Variants in IQSEC3 observed in about 807,000 individuals in gnomAD.
IQSEC3 encodes the protein IQ motif and Sec7 domain ArfGEF 3.
A neutral mutation model predicts 105.4 loss-of-function variants in IQSEC3; 50 were observed. The observed-to-expected ratio is 0.47, with a 90% confidence interval of 0.38 to 0.60. The LOEUF is 0.60. Among genes scored for constraint, IQSEC3 ranks in the 20% least tolerant of loss-of-function variants. IQSEC3 has a pLI of 0.00. For missense variants in IQSEC3, 1,415 were observed against 1,630.0 expected (o/e 0.87, Z 2.27); for synonymous variants, 708 against 746.0 (o/e 0.95, Z 0.83).
intron 1 of IQSEC3, among the ~76,000 whole-genome samples, chr12:82,932 C>CA (rs1863793555): frequency 6.6e-6 from 1 of 152,182 alleles, no homozygotes; most frequent in African/African-American, 2.4e-5. Context: ...GACTGTTGTT[C>CA]AGCAGGGGAT....
intron 4 of IQSEC3, 122 bp downstream of exon 4, chr12:139,476 C>A: frequency 1.3e-6 from 1 of 744,132 alleles, no homozygotes; most frequent in Non-Finnish European, 2.1e-6. Flanking sequence ...CCAGGGTCCT[C>A]CAGGCAGGCG....
At chr12:166,277 T>C (rs1555098445) in intron 11 of IQSEC3, 1 of 231,486 alleles carries the variant, frequency 4.3e-6, no homozygotes, top group African/African-American at 2.3e-5. Flanking sequence ...GTGGCCCAAG[T>C]CTGTACACTG....
At chr12:165,382 T>C in intron 9 of IQSEC3, 52 bp from the exon 10 acceptor site, 2 of 1,384,652 alleles carry the variant, frequency 1.4e-6, no homozygotes, top group South Asian at 2.3e-5. Flanking sequence ...TGCATCCATG[T>C]GTCCGTGAGT....
rs374969763 is a variant in IQSEC3 at position 138,770 on chromosome 12, G to T, written c.1407G>T (p.Glu469Asp). 127 of 1,582,396 alleles carry T rather than the reference G, an allele frequency of 8.0e-5. No homozygotes were observed. The highest frequency in any genetic ancestry group is 1.1e-4 in the Non-Finnish European group (123 of 1,168,342). The change falls in exon 4 of 14, where the codon GAG becomes GAT. Residue 469 changes from glutamate (E) to aspartate (D), a missense_variant. Glu to Asp is a conservative substitution (Grantham distance 45). Around this residue, in one of 6 missense-constraint regions of IQSEC3, gnomAD observed 720 missense variants for 633.0 expected, o/e 1.14. Transcript: ENST00000538872. The surrounding 1 kb of genome is among the most constrained non-coding windows in gnomAD (Gnocchi z 7.1). ...CCGGGCCCGGGGATGACGCCGCGGA[G>T]ACCCCCGGCCTGCCCCCGGCCCACA... Reference protein sequence around the residue: ...AGPGPGDDAAETPGLPPAHSG... With the variant: ...AGPGPGDDAADTPGLPPAHSG...
intron 2 of IQSEC3, among the ~76,000 whole-genome samples, chr12:125,169 C>T (rs1295299797): frequency 2.0e-5 from 3 of 152,188 alleles, no homozygotes; most frequent in Non-Finnish European, 4.4e-5. Context: ...ATAGGTAACA[C>T]ATGTAGCAGT....
At chr12:97,542 T>C (rs1391355190) in intron 1 of IQSEC3, among the ~76,000 whole-genome samples, 2 of 152,234 alleles carry the variant, frequency 1.3e-5, no homozygotes, top group Non-Finnish European at 2.9e-5. Flanking sequence ...CAGACAGGTG[T>C]GATGGCTCAT....
chr12:170,901 G>A lies in IQSEC3; in HGVS notation c.3065-211G>A, dbSNP rs138904746. Among the ~76,000 whole-genome samples the A allele has an allele frequency of 4.9e-3, 739 of 152,342 alleles. 7 individuals carry two copies. The highest frequency in any genetic ancestry group is 0.016 in the African/African-American group (678 of 41,576). Reference sequence around the variant, plus strand: ...TGCCAACATCAGAAAGAGCGGCAGCGATCTTCTAGTCTGCGGCAGCCCAGA... The same window carrying A: ...TGCCAACATCAGAAAGAGCGGCAGCAATCTTCTAGTCTGCGGCAGCCCAGA... On this transcript the variant is annotated intron_variant, in intron 12 of 13. Coordinates refer to ENST00000538872, the MANE Select transcript of IQSEC3 (RefSeq NM_001170738.2).
chr12:174,929 C>CGG lies in IQSEC3; in HGVS notation c.3445_3446insGG (p.Leu1149ArgfsTer71). ...GGTCAAGGTCACCCACCAGCCTCCGCTGCCCCCGCCCCCACCCCCCTACAA... is the reference window on the plus strand; with the variant it reads ...GGTCAAGGTCACCCACCAGCCTCCGCGGTGCCCCCGCCCCCACCCCCCTACAA... On this transcript the variant is annotated frameshift_variant, in exon 14 of 14. Transcript: ENST00000538872. LOFTEE classifies it high-confidence loss of function. The CGG allele has an allele frequency of 6.5e-7, 1 of 1,531,318 alleles. No homozygotes were observed. The highest frequency in any genetic ancestry group is 8.8e-7 in the Non-Finnish European group (1 of 1,141,850). 94.9% of individuals were successfully genotyped at this position (1,531,318 alleles called of 1,614,324 possible).
chr12:137,355 A>AGGGGAGGAGC (rs1277112410), intron 3 of IQSEC3: 2 of 150,862 alleles, frequency 1.3e-5, no homozygotes, highest in African/African-American at 2.5e-5. Flanking sequence ...TTCATTGTTT[A>AGGGGAGGAGC]GGGGAGGAGC....
Position 139,091 on chromosome 12 carries a change from G to A in IQSEC3, c.1728G>A (p.Glu576=). 1 of 1,499,212 alleles carries A rather than the reference G, an allele frequency of 6.7e-7. No homozygotes were observed. The highest frequency in any genetic ancestry group is 1.3e-5 in the South Asian group (1 of 76,976). 92.9% of individuals were successfully genotyped at this position (1,499,212 alleles called of 1,614,324 possible). A position where few individuals can be genotyped will look rare whatever the true frequency, so the allele number is the denominator to read the frequency against. The change falls in exon 4 of 14, where the codon GAG becomes GAA. Residue 576 remains glutamate (E), a synonymous_variant. Transcript: ENST00000538872. ...ATAPKTEEEE[E]EEETAEVGRG... is the part of the protein sequence containing the mutation. ...CCCCCAAAACAGAGGAGGAAGAGGA[G>A]GAGGAGGAGACGGCGGAGGTGGGGA...
At chr12:73,287 T>C (rs1283138928) in intron 1 of IQSEC3, among the ~76,000 whole-genome samples, 2 of 152,260 alleles carry the variant, frequency 1.3e-5, no homozygotes, top group Admixed American at 1.3e-4. Context: ...TTTACTTTCT[T>C]TTAGCCTCTG....
chr12:107,274 C>T (rs1864686716), intron 2 of IQSEC3, among the ~76,000 whole-genome samples: 1 of 152,224 alleles, frequency 6.6e-6, no homozygotes, highest in South Asian at 2.1e-4. Flanking sequence ...AAGGCCTCCA[C>T]CCTGGAGAGG....
At chr12:124,933 G>A (rs1427502307) in intron 2 of IQSEC3, among the ~76,000 whole-genome samples, 5 of 152,186 alleles carry the variant, frequency 3.3e-5, no homozygotes, top group African/African-American at 1.2e-4. Flanking sequence ...GGGTCAGGGA[G>A]GAGCAGGTGT....
chr12:133,191 C>G (rs1323493502), intron 3 of IQSEC3, among the ~76,000 whole-genome samples: 1 of 152,208 alleles, frequency 6.6e-6, no homozygotes, highest in Non-Finnish European at 1.5e-5. Context: ...ACACAGCTCC[C>G]TTCTTAATTC....
chr12:110,053 G>A (rs1032180900), intron 2 of IQSEC3, among the ~76,000 whole-genome samples: 1 of 152,196 alleles, frequency 6.6e-6, no homozygotes, highest in Non-Finnish European at 1.5e-5. Flanking sequence ...ACACAGTTGT[G>A]TGGCCGCCTC....
intron 3 of IQSEC3, among the ~76,000 whole-genome samples, chr12:126,217 C>T (rs973303086): frequency 2.6e-5 from 4 of 152,248 alleles, no homozygotes; most frequent in Non-Finnish European, 5.9e-5. Flanking sequence ...AGGCAAGGAG[C>T]CCACTGTTCT....
At chr12:120,124 A>C (rs1277492235) in intron 2 of IQSEC3, among the ~76,000 whole-genome samples, 1 of 152,266 alleles carries the variant, frequency 6.6e-6, no homozygotes, top group Non-Finnish European at 1.5e-5. Flanking sequence ...TGGAGGAGAG[A>C]GACACATCAG....
At position 171,403 on chromosome 12, in the gene IQSEC3, C is replaced by G. The variant is rs16932134; in HGVS notation, c.3114+242C>G. On this transcript the variant is annotated intron_variant, in intron 13 of 13. Coordinates refer to ENST00000538872, the MANE Select transcript of IQSEC3 (RefSeq NM_001170738.2). Reference sequence around the variant, plus strand: ...TCCCCAGCCTGCTGCCCTCCGAGGCCGAGCTCCCAGACTAACACAGTGGAG... The same window carrying G: ...TCCCCAGCCTGCTGCCCTCCGAGGCGGAGCTCCCAGACTAACACAGTGGAG... 6.7e-6 allele frequency: 9 copies of G among 1,341,558 alleles called. No homozygotes were observed. The Admixed American group carries it at 1.0e-4, about 15-fold the overall frequency. The allele number at this position is 1,341,558 out of a possible 1,614,324, so 83.1% of individuals were successfully genotyped here. A position where few individuals can be genotyped will look rare whatever the true frequency, so the allele number is the denominator to read the frequency against.
intron 3 of IQSEC3, among the ~76,000 whole-genome samples, chr12:135,205 A>G (rs1466223648): frequency 6.6e-6 from 1 of 152,162 alleles, no homozygotes; most frequent in Non-Finnish European, 1.5e-5. Context: ...AGAAATTGAG[A>G]GAAAAGGAGA....
Sources: allele counts gnomAD v4.1 joint callset (sites outside exome capture counted in the v4.1 genomes callset), GRCh38; gene constraint gnomAD v4.1.1; regional missense constraint gnomAD v4.1.1; non-coding constraint Gnocchi (gnomAD v3.1); transcripts MANE v1.5; gene names NCBI Gene and HGNC (gene_info 2026-07-23, HGNC 2026-07-21).